ATP10B: variants seen among roughly 807,000 people sequenced by gnomAD.
ATP10B encodes phospholipid-transporting ATPase VB.
In ATP10B, 122 loss-of-function variants were observed where a neutral mutation model predicts 141.2. The observed-to-expected ratio is 0.86, with a 90% CI of 0.75 to 1.00. The LOEUF is 1.00. ATP10B is among the 50% of genes least tolerant of loss of function. The probability of loss-of-function intolerance (pLI) is 0.00; values close to 1 mark genes in which losing one functional copy is unlikely to be tolerated. For synonymous variants in ATP10B, 685 were observed against 692.0 expected, an observed-to-expected ratio of 0.99 and a Z score of 0.16; for missense variants, 1,876 against 1,825.3, an observed-to-expected ratio of 1.03 and a Z score of -0.51.
At chr5:160,809,331 G>A (rs908390013) in intron 1 of ATP10B, among the ~76,000 whole-genome samples, 1 of 152,104 alleles carries the variant, frequency 6.6e-6, no homozygotes, top group Non-Finnish European at 1.5e-5. Context: ...GATGGTTTTT[G>A]TTATCATTTT....
chr5:160,733,098 C>A (rs1423548680), intron 2 of ATP10B, among the ~76,000 whole-genome samples: 1 of 152,130 alleles, frequency 6.6e-6, no homozygotes, highest in Non-Finnish European at 1.5e-5. Context: ...CAGGGACTAT[C>A]CTTTCATGTT....
chr5:160,773,677 C>T (rs1770069812), intron 2 of ATP10B, among the ~76,000 whole-genome samples: 1 of 152,190 alleles, frequency 6.6e-6, no homozygotes, highest in South Asian at 2.1e-4. Flanking sequence ...TGACTTGACT[C>T]TTAACCACTC....
intron 9 of ATP10B, among the ~76,000 whole-genome samples, chr5:160,642,964 G>A (rs1759982492): frequency 6.6e-6 from 1 of 152,132 alleles, no homozygotes; most frequent in South Asian, 2.1e-4. Context: ...TTCTGTTCAG[G>A]CAGAGAAGCA....
chr5:160,792,881 G>T (rs1241276481), intron 1 of ATP10B, among the ~76,000 whole-genome samples: 5 of 152,118 alleles, frequency 3.3e-5, no homozygotes, highest in Non-Finnish European at 7.4e-5. Context: ...ACCCTAAAAT[G>T]ACATGACCTA....
At chr5:160,594,997 T>C (rs954392949) in intron 22 of ATP10B, among the ~76,000 whole-genome samples, 2 of 152,112 alleles carry the variant, frequency 1.3e-5, no homozygotes. Context: ...GACAGAAAGT[T>C]AACAAGGATA....
At chr5:160,647,567 C>A (rs2127685144) in intron 8 of ATP10B, among the ~76,000 whole-genome samples, 1 of 152,248 alleles carries the variant, frequency 6.6e-6, no homozygotes, top group East Asian at 1.9e-4. Flanking sequence ...CTGAGAAAGG[C>A]TGGCTGTTAG....
chr5:160,770,036 G>A (rs1045946311), intron 2 of ATP10B, among the ~76,000 whole-genome samples: 6 of 152,168 alleles, frequency 3.9e-5, no homozygotes, highest in Admixed American at 6.5e-5. Context: ...GCCCACGAGA[G>A]CCAGTGTTTG....
the ATP10B span, among the ~76,000 whole-genome samples, chr5:160,919,910 G>A: frequency 6.6e-6 from 1 of 152,190 alleles, no homozygotes; most frequent in Non-Finnish European, 1.5e-5. Flanking sequence ...TCCATGTAAT[G>A]AGGTTTCAGT....
chr5:160,752,016 G>A (rs764731301), intron 2 of ATP10B, among the ~76,000 whole-genome samples: 1 of 152,032 alleles, frequency 6.6e-6, no homozygotes, highest in Non-Finnish European at 1.5e-5. Context: ...AGTTAAAGAC[G>A]GCTGCGGCTG....
chr5:160,659,316 TTAGCCGGGTATGG>T (rs1761733169), intron 7 of ATP10B, among the ~76,000 whole-genome samples: 3 of 151,808 alleles, frequency 2.0e-5, no homozygotes. Flanking sequence ...ATACAAAAAA[TTAGCCGGGTATGG>T]TAGTGGGCAC....
chr5:160,826,035 C>T (rs2127969521), intron 1 of ATP10B, among the ~76,000 whole-genome samples: 1 of 152,298 alleles, frequency 6.6e-6, no homozygotes, highest in South Asian at 2.1e-4. Context: ...AAACGTACCA[C>T]ATTTTCTTTA....
chr5:160,802,155 G>T (rs4585498), intron 1 of ATP10B, among the ~76,000 whole-genome samples: 72,302 of 151,818 alleles, frequency 0.48, 17,248 homozygotes, highest in East Asian at 0.61. Context: ...CATTAGGTGC[G>T]GAGAAACAAT....
At chr5:160,573,841 C>G (rs529306317) in intron 24 of ATP10B, among the ~76,000 whole-genome samples, 61 of 152,254 alleles carry the variant, frequency 4.0e-4, no homozygotes, top group South Asian at 2.7e-3. Flanking sequence ...TTAACTATTA[C>G]ATGGTATGAA....
chr5:160,618,336 C>A (rs755960389), intron 15 of ATP10B, among the ~76,000 whole-genome samples: 1 of 152,198 alleles, frequency 6.6e-6, no homozygotes, highest in African/African-American at 2.4e-5. Context: ...AATCAGGGGA[C>A]TAGAAGTTTG....
chr5:160,646,913 T>C (rs62390685), intron 8 of ATP10B, among the ~76,000 whole-genome samples: 26 of 152,182 alleles, frequency 1.7e-4, no homozygotes, highest in Non-Finnish European at 3.7e-4. Flanking sequence ...TACACAATTC[T>C]CTGCTGGGGT....
chr5:160,720,802 TGCCTTGGTCAGCACTGTAGCTTTG>T (rs1765942988), intron 2 of ATP10B, among the ~76,000 whole-genome samples: 1 of 152,262 alleles, frequency 6.6e-6, no homozygotes, highest in Admixed American at 6.5e-5. Flanking sequence ...AGAGAAATGT[TGCCTTGGTCAGCACTGTAGCTTTG>T]GTAGAGAAGC....
At chr5:160,626,671 G>A (rs756896933) in intron 13 of ATP10B, among the ~76,000 whole-genome samples, 5 of 152,180 alleles carry the variant, frequency 3.3e-5, no homozygotes, top group African/African-American at 4.8e-5. Flanking sequence ...CAGCAGCTCC[G>A]AGTGGGGCCT....
the ATP10B span, among the ~76,000 whole-genome samples, chr5:160,903,847 G>A: frequency 5.9e-5 from 9 of 152,304 alleles, no homozygotes; most frequent in South Asian, 1.0e-3. Flanking sequence ...ATTTGCACCC[G>A]AGGTCAGCAA....
At chr5:160,862,770 A>G in the ATP10B span, among the ~76,000 whole-genome samples, 1 of 151,912 alleles carries the variant, frequency 6.6e-6, no homozygotes, top group Non-Finnish European at 1.5e-5. Context: ...TACCATAATA[A>G]CCTTCTAATA....
Sources: allele counts gnomAD v4.1 joint callset (sites outside exome capture counted in the v4.1 genomes callset), GRCh38; gene constraint gnomAD v4.1.1; transcripts MANE v1.5; gene names NCBI Gene and HGNC (gene_info 2026-07-23, HGNC 2026-07-21).